Variants in POSTN observed in about 807,000 individuals in gnomAD.
The protein encoded by POSTN is osteoblast specific factor 2 (fasciclin I-like).
In POSTN, 71 loss-of-function variants were observed where a neutral mutation model predicts 104.5. The observed-to-expected ratio is 0.68, with a 90% confidence interval of 0.56 to 0.83. The LOEUF is 0.83. Ranked by LOEUF, POSTN falls within the 40% of genes least tolerant of loss-of-function variation. The probability of loss-of-function intolerance (pLI) is 0.00; values close to 1 mark genes in which losing one functional copy is unlikely to be tolerated. For missense variants in POSTN, 949 were observed against 1,006.8 expected (o/e 0.94, Z 0.78); for synonymous variants, 355 against 340.7 (o/e 1.04, Z -0.46).
At chr13:37,563,724 C>T (rs986718493) in intron 22 of POSTN, among the ~76,000 whole-genome samples, 2 of 151,946 alleles carry the variant, frequency 1.3e-5, no homozygotes, top group South Asian at 2.1e-4. Flanking sequence ...GTTCCTATAG[C>T]GCATTGATAA....
chr13:37,596,668 TCAAGTATTTTTTAA>T (rs945967318), intron 2 of POSTN, among the ~76,000 whole-genome samples: 4 of 152,172 alleles, frequency 2.6e-5, no homozygotes, highest in Non-Finnish European at 4.4e-5. Context: ...GAGATAAAAC[TCAAGTATTTTTTAA>T]CTTTAAACTT....
chr13:37,589,102 AG>A (rs1950848119), intron 4 of POSTN, among the ~76,000 whole-genome samples: 4 of 152,206 alleles, frequency 2.6e-5, no homozygotes, highest in Admixed American at 2.6e-4. Context: ...TTGGGGGGAA[AG>A]AAAATTGCAT....
rs1399898743 is a variant in POSTN, at chr13:37,578,897, T to C, written c.1909A>G (p.Asn637Asp). 6.3e-7 allele frequency: 1 copy of C among 1,597,348 alleles called. No homozygotes were observed. The highest frequency in any genetic ancestry group is 1.4e-5 in the African/African-American group (1 of 73,680). Residue 637 changes from asparagine (N) to aspartate (D), a missense_variant, in exon 15 of 23, where the codon AAT (asparagine) becomes GAT (aspartate). Coordinates refer to ENST00000379747, the MANE Select transcript of POSTN (RefSeq NM_006475.3). ...TTAAGTATTTCCAGCAGTTGATCAT[T>C]TCCAACAGGTGTGTCTATGAAGAGA... Reference protein sequence around the residue: ...LLYPADTPVGNDQLLEILNKL... With the variant: ...LLYPADTPVGDDQLLEILNKL...
intron 4 of POSTN, among the ~76,000 whole-genome samples, chr13:37,589,272 CATG>C (rs1950853715): frequency 6.6e-6 from 1 of 152,078 alleles, no homozygotes; most frequent in Non-Finnish European, 1.5e-5. Context: ...TAGTTGAAAC[CATG>C]ATAAGTGCAT....
intron 21 of POSTN, among the ~76,000 whole-genome samples, chr13:37,566,687 T>C (rs1428999703): frequency 6.6e-6 from 1 of 152,192 alleles, no homozygotes; most frequent in Admixed American, 6.5e-5. Flanking sequence ...GCGAAAACCT[T>C]CAAAAATGAC....
chr13:37,564,181 CATAT>C lies in POSTN; in HGVS notation c.2473+334_2473+337del, dbSNP rs71093693. On this transcript the variant is annotated intron_variant, in intron 22 of 22. Transcript: ENST00000379747. The stretch of plus-strand genomic sequence containing the variant: ...GTATACTTGTATATACAAAACATTA[CATAT>C]ATATATATATATATATATATATATA... 5.2e-3 allele frequency among the ~76,000 whole-genome samples: 258 copies of C among 49,660 alleles called. 3 individuals carry two copies. Among genetic ancestry groups the C allele is most frequent in the South Asian group, 8.2e-3 (8 of 970 alleles). 32.6% of individuals were successfully genotyped at this position (49,660 alleles called of 152,430 possible). A position where few individuals can be genotyped will look rare whatever the true frequency, so the allele number is the denominator to read the frequency against.
Position 37,569,780 on chromosome 13 carries a change from C to T in POSTN, c.2311G>A (p.Glu771Lys). The T allele has an allele frequency of 6.2e-7, 1 of 1,605,170 alleles. No individual in the cohort carries two copies. Among genetic ancestry groups the T allele is most frequent in the Non-Finnish European group, 8.5e-7 (1 of 1,172,842 alleles). ...KYTRISTGGG[E>K]TEETLKKLLQ... is the part of the protein sequence containing the mutation. ...AATTTCTTCAGAGTTTCTTCTGTTTCTCCACCTCCAGTAGAAATCCTAGTG... is the reference window on the plus strand; with the variant it reads ...AATTTCTTCAGAGTTTCTTCTGTTTTTCCACCTCCAGTAGAAATCCTAGTG... Residue 771 changes from glutamate to lysine, a missense_variant, in exon 20 of 23, where the codon GAA becomes AAA. Glu to Lys is a moderately conservative substitution (Grantham distance 56). Coordinates refer to ENST00000379747, the MANE Select transcript of POSTN (RefSeq NM_006475.3).
intron 2 of POSTN, among the ~76,000 whole-genome samples, chr13:37,596,318 C>T (rs1951084161): frequency 6.6e-6 from 1 of 152,098 alleles, no homozygotes; most frequent in Non-Finnish European, 1.5e-5. Context: ...CTGGGGATGA[C>T]ACCTAAACCT....
Position 37,564,199 on chromosome 13 carries a change from TATATATATATATATA to T in POSTN, c.2473+305_2473+319del, listed in dbSNP as rs1950017266. On this transcript the variant is annotated intron_variant, in intron 22 of 22. Coordinates refer to ENST00000379747, the MANE Select transcript of POSTN (RefSeq NM_006475.3). Reference sequence around the variant, plus strand: ...AACATTACATATATATATATATATATATATATATATATATATATATATATATATATGTATGGAGAA... The same window carrying T: ...AACATTACATATATATATATATATATTATATATATATATATGTATGGAGAA... Among the ~76,000 whole-genome samples, 148 of 110,640 alleles carry T rather than the reference TATATATATATATATA, an allele frequency of 1.3e-3. 2 individuals are homozygous for T. Among genetic ancestry groups the T allele is most frequent in the African/African-American group, 4.7e-3 (134 of 28,568 alleles). The allele number at this position is 110,640 out of a possible 152,430, so 72.6% of individuals were successfully genotyped here. A position where few individuals can be genotyped will look rare whatever the true frequency, so the allele number is the denominator to read the frequency against.
chr13:37,592,202 CTAAA>C (rs771558525), intron 2 of POSTN, 38 bp from the exon 3 acceptor site: 11 of 1,195,954 alleles, frequency 9.2e-6, no homozygotes, highest in South Asian at 8.5e-5. Flanking sequence ...AAATGAGAAA[CTAAA>C]TAGGATACAT....
chr13:37,594,265 T>C (rs577221680), intron 2 of POSTN, among the ~76,000 whole-genome samples: 1 of 152,164 alleles, frequency 6.6e-6, no homozygotes. Flanking sequence ...TGAAGTAAAA[T>C]AGTGAATAGA....
chr13:37,594,978 A>G (rs1336387259), intron 2 of POSTN, among the ~76,000 whole-genome samples: 2 of 151,988 alleles, frequency 1.3e-5, no homozygotes, highest in African/African-American at 4.8e-5. Context: ...ATAAGCTAAT[A>G]CAATTGAACA....
intron 10 of POSTN, 109 bp from the exon 11 acceptor site, chr13:37,580,806 T>C: frequency 1.4e-6 from 2 of 1,406,782 alleles, no homozygotes; most frequent in Non-Finnish European, 2.0e-6. Flanking sequence ...AGAGGTTGCC[T>C]GGTGTCTGAG....
chr13:37,565,307 C>T (rs943462664), intron 21 of POSTN: 3 of 151,818 alleles, frequency 2.0e-5, no homozygotes, highest in Non-Finnish European at 4.4e-5. Context: ...ACTACCTGGT[C>T]GGCCTAAATT....
chr13:37,591,919 G>A (rs772093896), intron 3 of POSTN, among the ~76,000 whole-genome samples, 181 bp downstream of exon 3: 10 of 152,138 alleles, frequency 6.6e-5, no homozygotes, highest in Non-Finnish European at 1.3e-4. Flanking sequence ...TCCAGTGCAT[G>A]AGAAATATGC....
intron 22 of POSTN, among the ~76,000 whole-genome samples, 160 bp from the exon 23 acceptor site, chr13:37,563,530 T>C (rs1439419310): frequency 1.3e-5 from 2 of 152,092 alleles, no homozygotes; most frequent in Non-Finnish European, 2.9e-5. Flanking sequence ...GAAGCAAATA[T>C]TATATTTTGA....
chr13:37,579,764 G>T, intron 12 of POSTN, 97 bp downstream of exon 12: 1 of 1,340,124 alleles, frequency 7.5e-7, no homozygotes, highest in Non-Finnish European at 1.0e-6. Flanking sequence ...TACCAGAGAG[G>T]GGGCATTTTT....
intron 15 of POSTN, among the ~76,000 whole-genome samples, chr13:37,578,025 T>C (rs561497482): frequency 6.6e-6 from 1 of 152,128 alleles, no homozygotes; most frequent in Non-Finnish European, 1.5e-5. Flanking sequence ...TAATAATTAA[T>C]CCAAAGTTAA....
intron 21 of POSTN, among the ~76,000 whole-genome samples, chr13:37,566,906 G>A (rs1380046998): frequency 1.3e-5 from 2 of 152,062 alleles, no homozygotes; most frequent in African/African-American, 4.8e-5. Context: ...TGACTTAAAT[G>A]ATTGAGAAAT....
Sources: gnomAD v4.1 joint callset for allele counts (sites outside exome capture counted in the v4.1 genomes callset) on GRCh38, gnomAD v4.1.1 for gene constraint, MANE v1.5 for transcripts, NCBI Gene and HGNC (gene_info 2026-07-23, HGNC 2026-07-21) for gene names.